The following DNAH11 variants were observed in gnomAD, a reference collection of about 807,000 sequenced individuals.
DNAH11 encodes the protein axonemal beta dynein heavy chain 11.
A neutral mutation model predicts 526.0 loss-of-function variants in DNAH11; 442 were observed. The observed-to-expected ratio is 0.84, with a 90% CI of 0.78 to 0.91. The LOEUF (loss-of-function observed/expected upper bound fraction) is 0.91, where lower values mean the gene tolerates loss of function less well. Ranked by LOEUF, DNAH11 falls within the 40% of genes least tolerant of loss-of-function variation. DNAH11 has a pLI of 0.00. For missense variants in DNAH11, 6,989 were observed against 5,448.7 expected, an observed-to-expected ratio of 1.28 and a Z score of -8.90; for synonymous variants, 2,461 against 1,935.9, an observed-to-expected ratio of 1.27 and a Z score of -7.12.
chr7:21,894,046 G>A (rs575574328), intron 77 of DNAH11, among the ~76,000 whole-genome samples: 1 of 152,062 alleles, frequency 6.6e-6, no homozygotes, highest in African/African-American at 2.4e-5. Context: ...GCTCCAACAT[G>A]CCTGGCTAAT....
chr7:21,810,907 A>C (rs1426747867), intron 63 of DNAH11, among the ~76,000 whole-genome samples: 1 of 152,182 alleles, frequency 6.6e-6, no homozygotes, highest in African/African-American at 2.4e-5. Flanking sequence ...GAATTGCCAC[A>C]TGATCCAGAA....
chr7:21,761,114 G>A (rs1244906859), intron 54 of DNAH11, among the ~76,000 whole-genome samples: 3 of 152,126 alleles, frequency 2.0e-5, no homozygotes, highest in African/African-American at 4.8e-5. Flanking sequence ...TCTTAGAAAA[G>A]AGCAGAATAA....
chr7:21,901,254 A>C lies in DNAH11; in HGVS notation c.13551A>C (p.Ter4517TyrextTer14), dbSNP rs746081475. Residue 4517 changes from the stop codon to tyrosine (Y), a stop_lost, in exon 82 of 82, where the codon TAA becomes TAC. Transcript: ENST00000409508. ...GAGTGGCTCTGCTTCTAGAAGCGTA[A>C]GGTAACACTGGCATTCCTCTAGCCT... ...LAGVALLLEA* is the reference protein window; with the variant it reads ...LAGVALLLEAY 2 of 1,600,572 alleles carry C rather than the reference A, an allele frequency of 1.2e-6. No individual in the cohort carries two copies. The highest frequency in any genetic ancestry group is 2.3e-5 in the South Asian group (2 of 88,464).
Position 21,873,364 on chromosome 7 carries a change from A to G in DNAH11, c.12058A>G (p.Met4020Val), listed in dbSNP as rs765636819. Residue 4020 changes from methionine (M) to valine (V), a missense_variant, in exon 74 of 82, where the codon ATG (methionine) becomes GTG (valine). Coordinates refer to ENST00000409508, the MANE Select transcript of DNAH11 (RefSeq NM_001277115.2). The part of the protein sequence containing the change: ...QGSHRDYRVF[M>V]SAESAPTPDE... ...AAGCCACAGAGATTACAGGGTTTTC[A>G]TGAGTGCTGAGTCTGCACCTACACC... 9.9e-5 allele frequency: 159 copies of G among 1,613,804 alleles called. No individual in the cohort carries two copies. Among genetic ancestry groups the G allele is most frequent in the Non-Finnish European group, 1.3e-4 (157 of 1,179,864 alleles).
intron 61 of DNAH11, among the ~76,000 whole-genome samples, chr7:21,798,366 G>A (rs147235402): frequency 3.3e-5 from 5 of 152,164 alleles, no homozygotes; most frequent in Non-Finnish European, 7.3e-5. Context: ...AAAGTGCTGG[G>A]ATTACAGGCA....
Position 21,591,007 on chromosome 7 carries a change from G to T in DNAH11, c.2259G>T (p.Arg753Ser). 6.6e-7 allele frequency: 1 copy of T among 1,510,364 alleles called. No individual in the cohort carries two copies. The highest frequency in any genetic ancestry group is 8.8e-7 in the Non-Finnish European group (1 of 1,139,340). The allele number at this position is 1,510,364 out of a possible 1,614,324, so 93.6% of individuals were successfully genotyped here. A position where few individuals can be genotyped will look rare whatever the true frequency, so the allele number is the denominator to read the frequency against. Reference sequence around the variant, plus strand: ...CAGCTTTAGCCATCTTCAAGAAAAGGAACACTATTTTAAAGGTTTGTGATT... The same window carrying T: ...CAGCTTTAGCCATCTTCAAGAAAAGTAACACTATTTTAAAGGTTTGTGATT... Reference protein sequence around the residue: ...PDSALAIFKKRNTILKYIGNL... With the variant: ...PDSALAIFKKSNTILKYIGNL... Residue 753 changes from arginine (R) to serine (S), a missense_variant, in exon 13 of 82, where the codon AGG becomes AGT. By Grantham distance (110) the Arg-to-Ser change is moderately radical (BLOSUM62 -1). Transcript: ENST00000409508.
chr7:21,851,375 T>G (rs1032906132), intron 66 of DNAH11: 4 of 302,162 alleles, frequency 1.3e-5, no homozygotes, highest in African/African-American at 8.7e-5. Context: ...ATTAAATCTC[T>G]TTTCTTTTTA....
chr7:21,835,896 TAAAC>T (rs1209043715), intron 65 of DNAH11, among the ~76,000 whole-genome samples: 3 of 147,100 alleles, frequency 2.0e-5, no homozygotes, highest in East Asian at 2.0e-4. Context: ...TTAGAACTAA[TAAAC>T]AAATTCAGTA....
At chr7:21,856,679 C>A (rs116972586) in intron 68 of DNAH11, among the ~76,000 whole-genome samples, 6,081 of 151,492 alleles carry the variant, frequency 0.04, 158 homozygotes, top group South Asian at 0.13. Context: ...GTTTAACATT[C>A]AAAAATCACG....
At chr7:21,550,471 T>C (rs567165910) in intron 2 of DNAH11, among the ~76,000 whole-genome samples, 18 of 152,316 alleles carry the variant, frequency 1.2e-4, no homozygotes, top group African/African-American at 4.3e-4. Flanking sequence ...TAGGATCTCA[T>C]ATAATAACTT....
At position 21,545,169 on chromosome 7, in the gene DNAH11, A is replaced by G. The variant is rs1216668300; in HGVS notation, c.495+20A>G. On this transcript the variant is annotated intron_variant, in intron 2 of 81. Coordinates refer to ENST00000409508, the MANE Select transcript of DNAH11 (RefSeq NM_001277115.2). ...GATGAGGTACTGGTCTGTCTTTAAT[A>G]TTTAAAGCTTTCACTTATCTCCATG... The G allele has an allele frequency of 1.5e-5, 24 of 1,575,400 alleles. No individual in the cohort carries two copies. Among genetic ancestry groups the G allele is most frequent in the Admixed American group, 9.0e-5 (5 of 55,510 alleles).
chr7:21,853,636 A>G (rs918575552), intron 67 of DNAH11, among the ~76,000 whole-genome samples: 7 of 152,186 alleles, frequency 4.6e-5, no homozygotes, highest in Non-Finnish European at 1.5e-5. Context: ...ACTGTATCCT[A>G]TGGGACCAGC....
intron 9 of DNAH11, among the ~76,000 whole-genome samples, chr7:21,582,845 C>T (rs1007496589): frequency 1.3e-5 from 2 of 152,104 alleles, no homozygotes; most frequent in East Asian, 3.9e-4. Flanking sequence ...AACAATATAG[C>T]AGACACAGAT....
intron 75 of DNAH11, among the ~76,000 whole-genome samples, chr7:21,883,427 C>G (rs1784007159): frequency 6.6e-6 from 1 of 152,178 alleles, no homozygotes; most frequent in Non-Finnish European, 1.5e-5. Context: ...ATGGTATAGT[C>G]ATTAGTTACA....
At chr7:21,691,646 T>C (rs889292316) in intron 35 of DNAH11, among the ~76,000 whole-genome samples, 2 of 152,258 alleles carry the variant, frequency 1.3e-5, no homozygotes, top group South Asian at 2.1e-4. Context: ...ATTTATATTT[T>C]GTGGGATTAA....
intron 56 of DNAH11, among the ~76,000 whole-genome samples, chr7:21,778,697 T>C (rs76070847): frequency 0.012 from 1,871 of 152,230 alleles, 39 homozygotes; most frequent in African/African-American, 0.042. Context: ...AAGAGCAACT[T>C]CCCTACTTAA....
rs555199262 is a variant in DNAH11, at chr7:21,622,285, G to A, written c.4500+2207G>A. On this transcript the variant is annotated intron_variant, in intron 25 of 81. Coordinates refer to ENST00000409508, the MANE Select transcript of DNAH11 (RefSeq NM_001277115.2). ...AAGGGATGTGAAGGACCTCTTCAAG[G>A]AGAACTACAAACCACTGCTCAATGA... Among the ~76,000 whole-genome samples, 671 of 152,166 alleles carry A rather than the reference G, an allele frequency of 4.4e-3. 2 individuals are homozygous for A. The highest frequency in any genetic ancestry group is 0.015 in the African/African-American group (615 of 41,534).
intron 4 of DNAH11, among the ~76,000 whole-genome samples, chr7:21,560,816 T>A (rs981054166): frequency 1.3e-5 from 2 of 152,152 alleles, no homozygotes; most frequent in African/African-American, 4.8e-5. Flanking sequence ...TCCAATCAAG[T>A]TGACACTCAA....
At chr7:21,693,028 AT>A (rs1423951974) in intron 35 of DNAH11, among the ~76,000 whole-genome samples, 1 of 152,030 alleles carries the variant, frequency 6.6e-6, no homozygotes, top group Non-Finnish European at 1.5e-5. Context: ...CATTGCAAAT[AT>A]TTTTTCTCTC....
Sources: allele counts gnomAD v4.1 joint callset (sites outside exome capture counted in the v4.1 genomes callset), GRCh38; gene constraint gnomAD v4.1.1; transcripts MANE v1.5; gene names NCBI Gene and HGNC (gene_info 2026-07-23, HGNC 2026-07-21).